The following PTGES variants were observed in gnomAD, a reference collection of about 807,000 sequenced individuals.
PTGES encodes MGST1-like 1.
PTGES carries 3 observed loss-of-function variants against 11.8 expected under a neutral mutation model. The ratio of observed to expected loss-of-function variants is 0.25; its 90% confidence interval spans 0.12 to 0.66. The LOEUF (loss-of-function observed/expected upper bound fraction) is 0.66, where lower values mean the gene tolerates loss of function less well. PTGES is among the 30% of genes least tolerant of loss of function. PTGES has a pLI of 0.82. For synonymous variants in PTGES, 94 were observed against 90.4 expected (o/e 1.04, Z -0.22); for missense variants, 180 against 213.0 (o/e 0.85, Z 0.96).
chr9:129,739,624 G>A lies in PTGES; in HGVS notation c.446C>T (p.Ala149Val). 3.9e-6 allele frequency: 6 copies of A among 1,551,346 alleles called. No homozygotes were observed. The highest frequency in any genetic ancestry group is 5.2e-6 in the Non-Finnish European group (6 of 1,147,360). ...ATCAGCTGCTGGTCACAGGTGGCGG[G>A]CCGCTTCCCAGAGGATCTGCAGAGC... ...SMALQILWEA[A>V]RHL The change falls in exon 3 of 3, where the codon GCC (alanine) becomes GTC (valine). Residue 149 changes from alanine (A) to valine (V), a missense_variant. Ala to Val is a moderately conservative substitution (Grantham distance 64). Coordinates refer to ENST00000340607, the MANE Select transcript of PTGES (RefSeq NM_004878.5). The surrounding 1 kb of genome is among the most constrained non-coding windows in gnomAD (Gnocchi z 5.7).
At chr9:129,749,068 A>C (rs892128166) in intron 1 of PTGES, among the ~76,000 whole-genome samples, 2 of 152,182 alleles carry the variant, frequency 1.3e-5, no homozygotes, top group African/African-American at 4.8e-5. Flanking sequence ...TGAGGCTCTG[A>C]GAAAGTTTCT....
At chr9:129,752,802 T>G in intron 1 of PTGES, 85 bp downstream of exon 1, 1 of 1,603,112 alleles carries the variant, frequency 6.2e-7, no homozygotes, top group South Asian at 1.1e-5. Context: ...ACCTTGGCCA[T>G]GTTTCCCTAT....
intron 2 of PTGES, among the ~76,000 whole-genome samples, chr9:129,742,764 C>T (rs1396644849): frequency 2.6e-5 from 4 of 151,456 alleles, no homozygotes; most frequent in East Asian, 2.0e-4. Context: ...CCCAGCTACT[C>T]GGGAGGCTGA....
intron 2 of PTGES, among the ~76,000 whole-genome samples, chr9:129,740,479 G>A (rs1188204743): frequency 1.3e-5 from 2 of 152,096 alleles, no homozygotes; most frequent in African/African-American, 4.8e-5. Flanking sequence ...GTCCTTTCAG[G>A]GACAATCATA....
chr9:129,739,309 GT>G lies in PTGES; in HGVS notation c.*301del. On this transcript the variant is annotated 3_prime_UTR_variant, in exon 3 of 3. Transcript: ENST00000340607. This position sits in a 1 kb window ranked among gnomAD's most constrained non-coding sequence, Gnocchi z 5.7. ...CTGTTAGGGAGGGAGAGGGAGTGAT[GT>G]TTTTGATGCTCTGTTACTTTAGCTG... 1 of 355,850 alleles carries G rather than the reference GT, an allele frequency of 2.8e-6. No homozygotes were observed. 22.0% of individuals were successfully genotyped at this position (355,850 alleles called of 1,614,324 possible).
intron 2 of PTGES, among the ~76,000 whole-genome samples, chr9:129,740,157 C>T (rs1262098212): frequency 4.6e-5 from 7 of 152,044 alleles, no homozygotes; most frequent in Non-Finnish European, 8.8e-5. Context: ...TGCCGGGACC[C>T]CACTCCTGCC....
chr9:129,748,669 C>T lies in PTGES; in HGVS notation c.195G>A (p.Val65=). ...GAAGTACTTGCCTGAGGCAGCGTTC[C>T]ACGTCGGGGTCGCTCCTGCAATACT... ...GPQYCRSDPD[V]ERCLRAHRND... The change falls in exon 2 of 3, where the codon GTG becomes GTA. Residue 65 remains valine, a synonymous_variant. Transcript: ENST00000340607. 1.3e-6 allele frequency: 2 copies of T among 1,577,848 alleles called. No homozygotes were observed. Among genetic ancestry groups the T allele is most frequent in the Non-Finnish European group, 1.7e-6 (2 of 1,167,050 alleles).
Position 129,739,938 on chromosome 9 carries a change from TG to T in PTGES, c.210-79del. 6.7e-7 allele frequency: 1 copy of T among 1,488,626 alleles called. No individual in the cohort carries two copies. Among genetic ancestry groups the T allele is most frequent in the African/African-American group, 1.4e-5 (1 of 71,178 alleles). The allele number at this position is 1,488,626 out of a possible 1,614,324, so 92.2% of individuals were successfully genotyped here. A position where few individuals can be genotyped will look rare whatever the true frequency, so the allele number is the denominator to read the frequency against. The stretch of plus-strand genomic sequence containing the variant: ...GCCCTTTTGAGAGTGTCATGGAAGC[TG>T]GGGGTGCTTTGACCCACTGGGGGTC... On this transcript the variant is annotated intron_variant, in intron 2 of 2. Coordinates refer to ENST00000340607, the MANE Select transcript of PTGES (RefSeq NM_004878.5). The surrounding 1 kb of genome is among the most constrained non-coding windows in gnomAD (Gnocchi z 5.7).
chr9:129,749,112 C>A (rs1833076882), intron 1 of PTGES, among the ~76,000 whole-genome samples: 1 of 152,234 alleles, frequency 6.6e-6, no homozygotes, highest in Non-Finnish European at 1.5e-5. Flanking sequence ...AGGCTTAGGG[C>A]TGGATGAGGT....
chr9:129,743,653 C>T (rs934679201), intron 2 of PTGES, among the ~76,000 whole-genome samples: 22 of 152,284 alleles, frequency 1.4e-4, no homozygotes, highest in African/African-American at 5.3e-4. Context: ...CACGGTGGGG[C>T]CAATTTCCTT....
intron 1 of PTGES, 118 bp downstream of exon 1, chr9:129,752,769 G>T: frequency 6.7e-7 from 1 of 1,503,682 alleles, no homozygotes; most frequent in Non-Finnish European, 9.1e-7. Context: ...TGGAAGAGGT[G>T]CTCACCTCCC....
rs980109446 is a variant in PTGES, at chr9:129,745,248, G to A, written c.209+3407C>T. ...GATTCTGGCCCAGACGCACATTGCC[G>A]GGAACTCCGGATAGGTATCCTGAAA... On this transcript the variant is annotated intron_variant, in intron 2 of 2. Coordinates refer to ENST00000340607, the MANE Select transcript of PTGES (RefSeq NM_004878.5). This position sits in a 1 kb window ranked among gnomAD's most constrained non-coding sequence, Gnocchi z 4.2. Among the ~76,000 whole-genome samples the A allele has an allele frequency of 1.3e-5, 2 of 152,156 alleles. No individual in the cohort carries two copies. Among genetic ancestry groups the A allele is most frequent in the Admixed American group, 6.6e-5 (1 of 15,260 alleles).
At chr9:129,741,324 A>G (rs1441218337) in intron 2 of PTGES, among the ~76,000 whole-genome samples, 1 of 152,216 alleles carries the variant, frequency 6.6e-6, no homozygotes. Flanking sequence ...GAGGCAGATA[A>G]GAGAGGGAGA....
At chr9:129,742,345 A>AAAAAAAAAAAAAC (rs1564162247) in intron 2 of PTGES, among the ~76,000 whole-genome samples, 1 of 149,376 alleles carries the variant, frequency 6.7e-6, no homozygotes, top group African/African-American at 2.5e-5. Flanking sequence ...AAAAAAAAAA[A>AAAAAAAAAAAAAC]AAAAACATAA....
chr9:129,742,544 G>A (rs1164266066), intron 2 of PTGES, among the ~76,000 whole-genome samples: 1 of 152,070 alleles, frequency 6.6e-6, no homozygotes, highest in Non-Finnish European at 1.5e-5. Context: ...TTATTTGAAA[G>A]TTTCAGGAAA....
chr9:129,743,071 G>A (rs1458181072), intron 2 of PTGES, among the ~76,000 whole-genome samples: 1 of 152,188 alleles, frequency 6.6e-6, no homozygotes, highest in Non-Finnish European at 1.5e-5. Context: ...GGCTGGGGAG[G>A]AGCAGGCCTT....
At chr9:129,742,577 C>T (rs1564162310) in intron 2 of PTGES, among the ~76,000 whole-genome samples, 2 of 152,110 alleles carry the variant, frequency 1.3e-5, no homozygotes, top group Non-Finnish European at 2.9e-5. Flanking sequence ...ATATGCAACT[C>T]GTTCACTCAG....
At chr9:129,744,601 C>T (rs956420197) in intron 2 of PTGES, among the ~76,000 whole-genome samples, 1 of 144,822 alleles carries the variant, frequency 6.9e-6, no homozygotes, top group Non-Finnish European at 1.5e-5. Context: ...AAAGACCGGG[C>T]GAGGTGGCTC....
chr9:129,740,011 G>A lies in PTGES; in HGVS notation c.210-151C>T. ...CAAATCCATTCACAGCCAGGTCAAGGAGATGGATACCCCAGAGTCCAGAAG... is the reference window on the plus strand; with the variant it reads ...CAAATCCATTCACAGCCAGGTCAAGAAGATGGATACCCCAGAGTCCAGAAG... On this transcript the variant is annotated intron_variant, in intron 2 of 2. Transcript: ENST00000340607. 6 of 1,018,908 alleles carry A rather than the reference G, an allele frequency of 5.9e-6. No individual in the cohort carries two copies. The South Asian group carries it at 6.8e-5, about 12-fold the overall frequency. The allele number at this position is 1,018,908 out of a possible 1,614,324, so 63.1% of individuals were successfully genotyped here.
Sources: allele counts gnomAD v4.1 joint callset (sites outside exome capture counted in the v4.1 genomes callset), GRCh38; gene constraint gnomAD v4.1.1; non-coding constraint Gnocchi (gnomAD v3.1); transcripts MANE v1.5; gene names NCBI Gene and HGNC (gene_info 2026-07-23, HGNC 2026-07-21).